THSD7B: variants seen among roughly 807,000 people sequenced by gnomAD.
THSD7B encodes the protein thrombospondin type 1 domain containing 7B.
Under a neutral mutation model 213.6 loss-of-function variants are expected in THSD7B, and 138 were observed. The observed-to-expected ratio is 0.65, with a 90% CI of 0.56 to 0.74. THSD7B has a LOEUF of 0.74. Ranked by LOEUF, THSD7B falls within the 30% of genes least tolerant of loss-of-function variation. THSD7B has a pLI of 0.00. For synonymous variants in THSD7B, 742 were observed against 687.0 expected (o/e 1.08, Z -1.25); for missense variants, 1,931 against 1,991.5 (o/e 0.97, Z 0.58).
intron 2 of THSD7B, among the ~76,000 whole-genome samples, chr2:136,936,635 A>T (rs972664443): frequency 6.6e-6 from 1 of 152,174 alleles, no homozygotes; most frequent in African/African-American, 2.4e-5. Flanking sequence ...ATGCAAAGGA[A>T]TAAAAATGAA....
chr2:137,523,849 A>G (rs1680230716), intron 15 of THSD7B, among the ~76,000 whole-genome samples: 1 of 152,122 alleles, frequency 6.6e-6, no homozygotes, highest in Non-Finnish European at 1.5e-5. Context: ...TAAGATCATT[A>G]TATGATTCTA....
intron 10 of THSD7B, among the ~76,000 whole-genome samples, chr2:137,256,548 A>G (rs1442166649): frequency 1.3e-5 from 2 of 152,212 alleles, no homozygotes; most frequent in Non-Finnish European, 2.9e-5. Flanking sequence ...TGCTTGGGAT[A>G]CACAACCCAT....
chr2:137,545,783 A>G (rs1338111140), intron 15 of THSD7B, among the ~76,000 whole-genome samples: 1 of 151,852 alleles, frequency 6.6e-6, no homozygotes, highest in Non-Finnish European at 1.5e-5. Context: ...AAGAGATGCT[A>G]TGTGGAACAT....
At chr2:137,345,805 C>G (rs1438139453) in intron 12 of THSD7B, among the ~76,000 whole-genome samples, 3 of 151,176 alleles carry the variant, frequency 2.0e-5, no homozygotes, top group African/African-American at 7.3e-5. Flanking sequence ...AGCAATTCAG[C>G]TGATGAAAAA....
At chr2:137,262,587 C>A (rs374805046) in intron 10 of THSD7B, among the ~76,000 whole-genome samples, 5 of 152,108 alleles carry the variant, frequency 3.3e-5, no homozygotes. Flanking sequence ...TCCAATCATA[C>A]CCTTTATGAT....
At chr2:136,933,433 G>T (rs1684667735) in intron 2 of THSD7B, among the ~76,000 whole-genome samples, 1 of 152,014 alleles carries the variant, frequency 6.6e-6, no homozygotes, top group Non-Finnish European at 1.5e-5. Context: ...ACAATAATTA[G>T]CTGGGCATGG....
chr2:136,957,430 A>T (rs1685144960), intron 2 of THSD7B, among the ~76,000 whole-genome samples: 1 of 129,474 alleles, frequency 7.7e-6, no homozygotes, highest in African/African-American at 2.7e-5. Flanking sequence ...GCATGGGCCA[A>T]TACAACGTTT....
At chr2:137,674,903 T>TATGA (rs767639504) in intron 27 of THSD7B, among the ~76,000 whole-genome samples, 3 of 152,226 alleles carry the variant, frequency 2.0e-5, no homozygotes, top group African/African-American at 7.2e-5. Flanking sequence ...CTTTAACTTG[T>TATGA]ATGATTTGCT....
chr2:137,261,579 A>G (rs1013550788), intron 10 of THSD7B, among the ~76,000 whole-genome samples: 2 of 152,144 alleles, frequency 1.3e-5, no homozygotes, highest in African/African-American at 4.8e-5. Flanking sequence ...TTTCATCAAC[A>G]TAAAGCCAAA....
intron 15 of THSD7B, among the ~76,000 whole-genome samples, chr2:137,492,755 C>T (rs548768744): frequency 1.6e-4 from 25 of 152,148 alleles, no homozygotes; most frequent in African/African-American, 4.6e-4. Context: ...TAAATTAGCA[C>T]GTTAATAAAT....
At chr2:136,815,567 T>G (rs1293066863) in intron 1 of THSD7B, among the ~76,000 whole-genome samples, 1 of 152,154 alleles carries the variant, frequency 6.6e-6, no homozygotes, top group Non-Finnish European at 1.5e-5. Flanking sequence ...TTAACCTATA[T>G]TAGAAAAAAA....
At chr2:136,873,639 GCATT>G (rs1344417043) in intron 1 of THSD7B, among the ~76,000 whole-genome samples, 3 of 152,186 alleles carry the variant, frequency 2.0e-5, no homozygotes, top group African/African-American at 7.2e-5. Context: ...GGGCAGGATT[GCATT>G]CAAACTGTTC....
intron 7 of THSD7B, among the ~76,000 whole-genome samples, chr2:137,220,919 G>A (rs1286933332): frequency 6.6e-6 from 1 of 152,140 alleles, no homozygotes; most frequent in Non-Finnish European, 1.5e-5. Context: ...AAAGAAGTAA[G>A]ACCTCAAATG....
chr2:137,068,973 T>C (rs969132697), intron 3 of THSD7B, among the ~76,000 whole-genome samples: 8 of 152,078 alleles, frequency 5.3e-5, no homozygotes, highest in Non-Finnish European at 1.2e-4. Context: ...CATTGATTGC[T>C]CTGACTTTTG....
chr2:137,024,450 C>T (rs1686508026), intron 2 of THSD7B, among the ~76,000 whole-genome samples: 1 of 152,092 alleles, frequency 6.6e-6, no homozygotes, highest in Admixed American at 6.5e-5. Context: ...CTATCATAAT[C>T]CGCATTACCA....
At chr2:137,052,456 C>T (rs1284078213) in intron 2 of THSD7B, among the ~76,000 whole-genome samples, 5 of 151,820 alleles carry the variant, frequency 3.3e-5, no homozygotes, top group Admixed American at 1.3e-4. Flanking sequence ...CTGTTTTTTT[C>T]ACTAGGCATA....
Position 136,924,658 on chromosome 2 carries a change from A to G in THSD7B, c.139+42341A>G, listed in dbSNP as rs556351937. 8.6e-4 allele frequency among the ~76,000 whole-genome samples: 131 copies of G among 152,238 alleles called. 1 individual carries two copies. Among genetic ancestry groups the G allele is most frequent in the African/African-American group, 3.0e-3 (125 of 41,560 alleles). Reference sequence around the variant, plus strand: ...TTTTTCAAGATTATTTTGGCTGTGCATGGTCTCATGAAATTCTACATGAAT... The same window carrying G: ...TTTTTCAAGATTATTTTGGCTGTGCGTGGTCTCATGAAATTCTACATGAAT... On this transcript the variant is annotated intron_variant, in intron 2 of 27. Transcript: ENST00000409968.
At chr2:137,379,998 G>A (rs559733533) in intron 12 of THSD7B, among the ~76,000 whole-genome samples, 14 of 152,182 alleles carry the variant, frequency 9.2e-5, no homozygotes, top group East Asian at 1.9e-4. Flanking sequence ...CAATACCAAT[G>A]CATGTCCTAA....
intron 5 of THSD7B, among the ~76,000 whole-genome samples, chr2:137,127,577 A>C (rs1454868346): frequency 1.3e-5 from 2 of 152,268 alleles, no homozygotes; most frequent in East Asian, 1.9e-4. Flanking sequence ...TTTGGGCTTC[A>C]ATTTGTTACT....
Sources: allele counts gnomAD v4.1 joint callset (sites outside exome capture counted in the v4.1 genomes callset), GRCh38; gene constraint gnomAD v4.1.1; transcripts MANE v1.5; gene names NCBI Gene and HGNC (gene_info 2026-07-23, HGNC 2026-07-21).